The following OXNAD1 variants were observed in gnomAD, a reference collection of about 807,000 sequenced individuals.
The protein encoded by OXNAD1 is oxidoreductase NAD binding domain containing 1.
OXNAD1 carries 34 observed loss-of-function variants against 32.9 expected under a neutral mutation model. That is an observed-to-expected ratio of 1.03 (90% CI 0.79 to 1.38). The LOEUF (loss-of-function observed/expected upper bound fraction) is 1.38. Among genes scored for constraint, OXNAD1 ranks in the 40% most tolerant of loss-of-function variants. The pLI, the probability that OXNAD1 is intolerant of heterozygous loss-of-function variation, is 0.00. For missense variants in OXNAD1, 407 were observed against 379.4 expected, an observed-to-expected ratio of 1.07 and a Z score of -0.60; for synonymous variants, 134 against 135.2, an observed-to-expected ratio of 0.99 and a Z score of 0.06.
rs528360212 is a variant in OXNAD1, at chr3:16,322,385, G to T, written c.*31-14727G>T. ...GCTCCAATCTGTTCATTTACTTGAT[G>T]CTCCTTCCCAGGGCTCTGTGTCCAA... is the stretch of plus-strand genomic sequence containing the variant. On this transcript the variant is annotated intron_variant, in intron 9 of 9. Coordinates refer to the OXNAD1 transcript ENST00000435829. This position sits in a 1 kb window ranked among gnomAD's most constrained non-coding sequence, Gnocchi z 6.2. Among the ~76,000 whole-genome samples the T allele has an allele frequency of 4.2e-4, 64 of 152,332 alleles. No homozygotes were observed. The highest frequency in any genetic ancestry group is 7.9e-4 in the Non-Finnish European group (54 of 68,020).
In OXNAD1 at chr3:16,294,938, G is replaced by A. The variant is rs2066671581; in HGVS notation, c.373G>A (p.Val125Met). The change falls in exon 6 of 9, where the codon GTG (valine) becomes ATG (methionine). Residue 125 changes from valine (V) to methionine (M), a missense_variant. Val to Met is a conservative substitution (Grantham distance 21). Coordinates refer to ENST00000285083, the MANE Select transcript of OXNAD1 (RefSeq NM_138381.5). ...SSPRLLEQER[V>M]IELAVKYTNH... ...TCCCAGACTGCTAGAACAAGAGAGA[G>A]TGATAGAATTGGCAGTGAAATATAC... The A allele has an allele frequency of 2.5e-6, 4 of 1,613,058 alleles. No homozygotes were observed. In the East Asian group the frequency reaches 6.7e-5, roughly 27 times the overall value.
downstream of OXNAD1, among the ~76,000 whole-genome samples, chr3:16,338,246 A>T (rs975131487): frequency 6.6e-6 from 1 of 152,232 alleles, no homozygotes; most frequent in Non-Finnish European, 1.5e-5. The surrounding 1 kb of genome is among the most constrained non-coding windows in gnomAD (Gnocchi z 5.3). Flanking sequence ...GTCTGCCCAC[A>T]CACACCTGCA....
At chr3:16,309,376 T>TAACA (rs945663659), downstream of OXNAD1, among the ~76,000 whole-genome samples, 11 of 152,234 alleles carry the variant, frequency 7.2e-5, no homozygotes, top group Non-Finnish European at 1.6e-4. Context: ...GTTTATATTC[T>TAACA]AACAGGGTAT....
At chr3:16,324,646 T>TTGTGTGTGTGTGTGTGTGTGTG (rs71632869) in intron 9 of OXNAD1, among the ~76,000 whole-genome samples, 6 of 100,468 alleles carry the variant, frequency 6.0e-5, no homozygotes, top group East Asian at 3.0e-4. Context: ...TAGTATTCCA[T>TTGTGTGTGTGTGTGTGTGTGTG]TGTGTGTGTG....
Position 16,303,486 on chromosome 3 carries a change from TGACA to T in OXNAD1, c.867_870del (p.Asp290PhefsTer34), listed in dbSNP as rs1188140672. On this transcript the variant is annotated frameshift_variant, in exon 9 of 9. Coordinates refer to ENST00000285083, the MANE Select transcript of OXNAD1 (RefSeq NM_138381.5). LOFTEE classifies it high-confidence loss of function. This position sits in a 1 kb window ranked among gnomAD's most constrained non-coding sequence, Gnocchi z 4.8. ...TTCTATATTTGTGGCCCACCTCCAA[TGACA>T]GACTTTTTCTCCAAGCAACTGGAAA... 1 of 1,614,098 alleles carries T rather than the reference TGACA, an allele frequency of 6.2e-7. No homozygotes were observed. The highest frequency in any genetic ancestry group is 2.2e-5 in the East Asian group (1 of 44,866).
At position 16,288,302 on chromosome 3, in the gene OXNAD1, A is replaced by AG. The variant is rs988496633; in HGVS notation, c.290+1856dup. Among the ~76,000 whole-genome samples, 1 of 152,156 alleles carries AG rather than the reference A, an allele frequency of 6.6e-6. No homozygotes were observed. Among genetic ancestry groups the AG allele is most frequent in the African/African-American group, 2.4e-5 (1 of 41,432 alleles). On this transcript the variant is annotated intron_variant, in intron 5 of 8. Coordinates refer to ENST00000285083, the MANE Select transcript of OXNAD1 (RefSeq NM_138381.5). The surrounding 1 kb of genome is among the most constrained non-coding windows in gnomAD (Gnocchi z 5.1). Reference sequence around the variant, plus strand: ...TGGCTGCCATGCAGTTTGTGTAGGTAGGATTATCAGACTGGAGAGCTGCTA... The same window carrying AG: ...TGGCTGCCATGCAGTTTGTGTAGGTAGGGATTATCAGACTGGAGAGCTGCTA...
At chr3:16,273,493 G>T (rs763244690) in intron 4 of OXNAD1, among the ~76,000 whole-genome samples, 1 of 149,438 alleles carries the variant, frequency 6.7e-6, no homozygotes, top group South Asian at 2.1e-4. Context: ...TCCCAAGCTC[G>T]ACTGATCCTC....
rs1215509675 is a variant in OXNAD1, at chr3:16,302,699, T to C, written c.735T>C (p.Val245=). 6.2e-7 allele frequency: 1 copy of C among 1,613,666 alleles called. No homozygotes were observed. The highest frequency in any genetic ancestry group is 8.5e-7 in the Non-Finnish European group (1 of 1,179,730). ...AGAAGATTGCATGCAGTTTGCATGTTACAAAACAGACTACACAAATCAATG... is the reference window on the plus strand; with the variant it reads ...AGAAGATTGCATGCAGTTTGCATGTCACAAAACAGACTACACAAATCAATG... ...FPEKIACSLH[V]TKQTTQINAE... is the part of the protein sequence containing the mutation. Residue 245 remains valine, a synonymous_variant, in exon 8 of 9, where the codon GTT becomes GTC. Transcript: ENST00000285083. This position sits in a 1 kb window ranked among gnomAD's most constrained non-coding sequence, Gnocchi z 4.2.
At position 16,280,423 on chromosome 3, in the gene OXNAD1, C is replaced by A. The variant is rs1049683436; in HGVS notation, c.184-5919C>A. On this transcript the variant is annotated intron_variant, in intron 4 of 8. Transcript: ENST00000285083. This position sits in a 1 kb window ranked among gnomAD's most constrained non-coding sequence, Gnocchi z 4.5. Reference sequence around the variant, plus strand: ...GGTTGACGGAGAATTTTGTGTCTACCTTTGTTAGTAAATCACTTGAGTAAA... The same window carrying A: ...GGTTGACGGAGAATTTTGTGTCTACATTTGTTAGTAAATCACTTGAGTAAA... 6.6e-6 allele frequency among the ~76,000 whole-genome samples: 1 copy of A among 151,842 alleles called. No individual in the cohort carries two copies. The highest frequency in any genetic ancestry group is 2.4e-5 in the African/African-American group (1 of 41,346).
At chr3:16,333,783 A>C (rs1351204613) in intron 9 of OXNAD1, among the ~76,000 whole-genome samples, 1 of 152,210 alleles carries the variant, frequency 6.6e-6, no homozygotes, top group Non-Finnish European at 1.5e-5. Flanking sequence ...AAATTTTAAA[A>C]GGGCCAAAGA....
rs1291936851 is a variant in OXNAD1 at position 16,299,240 on chromosome 3, G to A, written c.433-2386G>A. Reference sequence around the variant, plus strand: ...ACTGCACAGGCAAGCAAGAGAGGGAGGGAAGGAGGATATAGGAGATGAAAT... The same window carrying A: ...ACTGCACAGGCAAGCAAGAGAGGGAAGGAAGGAGGATATAGGAGATGAAAT... On this transcript the variant is annotated intron_variant, in intron 6 of 8. Coordinates refer to ENST00000285083, the MANE Select transcript of OXNAD1 (RefSeq NM_138381.5). The surrounding 1 kb of genome is among the most constrained non-coding windows in gnomAD (Gnocchi z 4.4). 2.0e-5 allele frequency among the ~76,000 whole-genome samples: 3 copies of A among 152,210 alleles called. No individual in the cohort carries two copies. The highest frequency in any genetic ancestry group is 4.4e-5 in the Non-Finnish European group (3 of 68,042).
rs182642578 is a variant in OXNAD1, at chr3:16,311,984, G to T, written c.*30+8392G>T. ...CCCCTCATCCCCACATAAATGCACA[G>T]GTCTCTCCCGTAGCCTGGCTTCCTC... On this transcript the variant is annotated intron_variant, in intron 9 of 9. Transcript: ENST00000435829. Among the ~76,000 whole-genome samples the T allele has an allele frequency of 3.6e-4, 55 of 152,228 alleles. No homozygotes were observed. In the East Asian group the frequency reaches 7.7e-3, roughly 21 times the overall value.
chr3:16,308,623 CTCTT>C (rs550119129), downstream of OXNAD1, among the ~76,000 whole-genome samples: 276 of 152,258 alleles, frequency 1.8e-3, 1 homozygote, highest in African/African-American at 5.9e-3. This position sits in a 1 kb window ranked among gnomAD's most constrained non-coding sequence, Gnocchi z 4.4. Context: ...TTTAATATTA[CTCTT>C]TCTTAACATA....
In OXNAD1 at chr3:16,280,994, AAG is replaced by A. The variant is rs1436180870; in HGVS notation, c.184-5345_184-5344del. On this transcript the variant is annotated intron_variant, in intron 4 of 8. Coordinates refer to ENST00000285083, the MANE Select transcript of OXNAD1 (RefSeq NM_138381.5). The surrounding 1 kb of genome is among the most constrained non-coding windows in gnomAD (Gnocchi z 4.5). ...GTGAATCTTTCGATCCATTAAGTAT[AAG>A]AGCCAATACAAATGATAAAATAAAT... 2.0e-5 allele frequency among the ~76,000 whole-genome samples: 3 copies of A among 152,256 alleles called. No individual in the cohort carries two copies. Among genetic ancestry groups the A allele is most frequent in the Admixed American group, 6.5e-5 (1 of 15,280 alleles).
intron 4 of OXNAD1, among the ~76,000 whole-genome samples, chr3:16,282,820 C>CTTTTT (rs11379565): frequency 3.3e-4 from 24 of 72,006 alleles, no homozygotes; most frequent in African/African-American, 4.5e-4. Context: ...GGACTTTCAG[C>CTTTTT]TTTTTTTTTT....
rs866505316 is a variant in OXNAD1, at chr3:16,313,085, G to A, written c.*30+9493G>A. On this transcript the variant is annotated intron_variant, in intron 9 of 9. Coordinates refer to the OXNAD1 transcript ENST00000435829. ...TTTTTTGACAGGGTCTTGTTCTATT[G>A]TCCAGGCTGGAGTGCAGTGGTGTGC... is the stretch of plus-strand genomic sequence containing the variant. 7.6e-5 allele frequency among the ~76,000 whole-genome samples: 11 copies of A among 145,152 alleles called. 1 individual carries two copies. In the Middle Eastern group the frequency reaches 0.011, roughly 139 times the overall value.
chr3:16,332,417 CTTTT>C (rs34563846), intron 9 of OXNAD1, among the ~76,000 whole-genome samples: 1 of 148,552 alleles, frequency 6.7e-6, no homozygotes, highest in African/African-American at 2.5e-5. Context: ...TTGATTGCTT[CTTTT>C]TTTTTTTTAC....
In OXNAD1 at chr3:16,305,377, G is replaced by C. The variant is rs1180258710; in HGVS notation, c.*1815G>C. 9.9e-5 allele frequency: 15 copies of C among 152,266 alleles called. No homozygotes were observed. Among genetic ancestry groups the C allele is most frequent in the Non-Finnish European group, 2.2e-4 (15 of 68,088 alleles). 9.4% of individuals were successfully genotyped at this position (152,266 alleles called of 1,614,324 possible). A position where few individuals can be genotyped will look rare whatever the true frequency, so the allele number is the denominator to read the frequency against. On this transcript the variant is annotated 3_prime_UTR_variant, in exon 9 of 9. Transcript: ENST00000285083. The surrounding 1 kb of genome is among the most constrained non-coding windows in gnomAD (Gnocchi z 4.5). ...TGTGCCTGCTACTGTCAGAGAGCAA[G>C]GGTCATCTGTCCTGCCCAGCTATGC...
chr3:16,268,893 A>C (rs916045554), intron 1 of OXNAD1, among the ~76,000 whole-genome samples: 5 of 152,150 alleles, frequency 3.3e-5, no homozygotes, highest in Non-Finnish European at 5.9e-5. Context: ...CCTAAGTAGC[A>C]GGTGTTAAAG....
Sources: gnomAD v4.1 joint callset for allele counts (sites outside exome capture counted in the v4.1 genomes callset) on GRCh38, gnomAD v4.1.1 for gene constraint, Gnocchi (gnomAD v3.1) non-coding constraint, MANE v1.5 for transcripts, NCBI Gene and HGNC (gene_info 2026-07-23, HGNC 2026-07-21) for gene names.